SLC9D1: variants seen among roughly 807,000 people sequenced by gnomAD.
SLC9D1 encodes the protein putative LAG1-interacting protein.
chr13:113,548,646 G>A, the SLC9D1 span, among the ~76,000 whole-genome samples: 2 of 152,244 alleles, frequency 1.3e-5, no homozygotes, highest in African/African-American at 4.8e-5. Context: ...GTTGCAGTTA[G>A]TACTGCTTGA....
chr13:113,502,691 T>C, the SLC9D1 span, among the ~76,000 whole-genome samples: 3 of 152,228 alleles, frequency 2.0e-5, no homozygotes, highest in African/African-American at 7.2e-5. Flanking sequence ...GCGAGCAGCG[T>C]GGAGAACGGG....
the SLC9D1 span, chr13:113,510,491 C>T: frequency 6.8e-7 from 1 of 1,478,736 alleles, no homozygotes; most frequent in Non-Finnish European, 9.2e-7. Flanking sequence ...TTTGGATTCA[C>T]AGTTGAGGGC....
the SLC9D1 span, among the ~76,000 whole-genome samples, chr13:113,545,288 A>T: frequency 7.1e-6 from 1 of 141,266 alleles, no homozygotes; most frequent in African/African-American, 2.8e-5. Flanking sequence ...ACAGAGATTG[A>T]AACATCGAGC....
the SLC9D1 span, chr13:113,547,468 G>A: frequency 9.1e-6 from 10 of 1,093,052 alleles, no homozygotes; most frequent in South Asian, 6.4e-5. Context: ...GGCCCACATC[G>A]GGCCTGCAGA....
the SLC9D1 span, chr13:113,520,589 C>T: frequency 2.6e-6 from 4 of 1,550,690 alleles, no homozygotes; most frequent in African/African-American, 1.4e-5. Flanking sequence ...TGTCGTAGAC[C>T]TGTCTTCAAT....
the SLC9D1 span, among the ~76,000 whole-genome samples, chr13:113,507,208 G>C: frequency 6.6e-6 from 1 of 151,964 alleles, no homozygotes; most frequent in Non-Finnish European, 1.5e-5. Context: ...GGGAGCCGTC[G>C]GAGTCTGGCC....
the SLC9D1 span, among the ~76,000 whole-genome samples, chr13:113,493,042 GATAAA>G: frequency 5.3e-5 from 8 of 152,344 alleles, no homozygotes; most frequent in South Asian, 2.1e-4. Context: ...CAAGTTTGAA[GATAAA>G]ATGAAATGAG....
At chr13:113,536,004 T>C in the SLC9D1 span, among the ~76,000 whole-genome samples, 5 of 152,244 alleles carry the variant, frequency 3.3e-5, no homozygotes. Flanking sequence ...TGGCAAGATG[T>C]TACCATTGGG....
At chr13:113,506,153 C>T in the SLC9D1 span, 4,310 of 187,716 alleles carry the variant, frequency 0.023, 80 homozygotes, top group Non-Finnish European at 0.034. Context: ...GAGCGTGGGC[C>T]GCGTGGCTGC....
the SLC9D1 span, among the ~76,000 whole-genome samples, chr13:113,531,582 T>C: frequency 2.1e-5 from 3 of 141,452 alleles, no homozygotes; most frequent in Admixed American, 7.1e-5. Context: ...ACCCCGTACA[T>C]GCAGATCAAG....
the SLC9D1 span, chr13:113,548,205 G>T: frequency 3.6e-6 from 5 of 1,383,432 alleles, no homozygotes; most frequent in African/African-American, 5.8e-5. Flanking sequence ...AGGGACCATC[G>T]CAGCGTGCCT....
chr13:113,548,597 GCT>G, the SLC9D1 span: 7 of 827,172 alleles, frequency 8.5e-6, no homozygotes, highest in Non-Finnish European at 1.3e-5. Flanking sequence ...AGGCCTGGCT[GCT>G]CTCTGCTCAT....
At chr13:113,510,409 CG>C in the SLC9D1 span, 2 of 1,612,452 alleles carry the variant, frequency 1.2e-6, no homozygotes. Flanking sequence ...GGGCAGTGCT[CG>C]GGGTGACAAA....
At chr13:113,505,836 C>G in the SLC9D1 span, 28,150 of 152,174 alleles carry the variant, frequency 0.18, 3,440 homozygotes, top group African/African-American at 0.35. Flanking sequence ...TCAGTTCATC[C>G]TCTTACCTAG....
At chr13:113,537,781 AG>A in the SLC9D1 span, among the ~76,000 whole-genome samples, 1 of 152,192 alleles carries the variant, frequency 6.6e-6, no homozygotes, top group Non-Finnish European at 1.5e-5. Flanking sequence ...GTTGGAAGTG[AG>A]GGAGTGGATG....
the SLC9D1 span, chr13:113,548,448 G>C: frequency 2.5e-6 from 4 of 1,605,228 alleles, no homozygotes; most frequent in East Asian, 9.0e-5. Flanking sequence ...GTCATCTCTC[G>C]GGAGGTGAGT....
chr13:113,536,501 C>T, the SLC9D1 span: 2 of 855,636 alleles, frequency 2.3e-6, no homozygotes, highest in South Asian at 5.3e-5. Flanking sequence ...TAAATTCTTA[C>T]ATTGTTTTAT....
the SLC9D1 span, among the ~76,000 whole-genome samples, chr13:113,518,332 C>T: frequency 1.6e-4 from 25 of 151,762 alleles, no homozygotes; most frequent in East Asian, 4.1e-3. Context: ...GGTCCTGCAT[C>T]AGGGACCTTG....
chr13:113,500,823 C>T, the SLC9D1 span, among the ~76,000 whole-genome samples: 2 of 152,048 alleles, frequency 1.3e-5, no homozygotes, highest in Admixed American at 1.3e-4. Flanking sequence ...CTATCTCAGG[C>T]GAGAGGAAGA....
Sources: gnomAD v4.1 joint callset for allele counts (sites outside exome capture counted in the v4.1 genomes callset) on GRCh38, gnomAD v4.1.1 for gene constraint, MANE v1.5 for transcripts, NCBI Gene and HGNC (gene_info 2026-07-23, HGNC 2026-07-21) for gene names.